Variants in MLLT10 observed in about 807,000 individuals in gnomAD.
MLLT10 encodes protein AF-10.
A neutral mutation model predicts 129.1 loss-of-function variants in MLLT10; 30 were observed. The observed-to-expected ratio is 0.23, with a 90% CI of 0.17 to 0.32. MLLT10 has a LOEUF of 0.32. Among genes scored for constraint, MLLT10 ranks in the 10% least tolerant of loss-of-function variants. The pLI is 1.00. For synonymous variants in MLLT10, 490 were observed against 446.4 expected (o/e 1.10, Z -1.23); for missense variants, 1,119 against 1,268.3 (o/e 0.88, Z 1.79).
chr10:21,645,951 T>C (rs2131306486), intron 8 of MLLT10, among the ~76,000 whole-genome samples: 1 of 152,300 alleles, frequency 6.6e-6, no homozygotes, highest in African/African-American at 2.4e-5. Context: ...ACACCTGTAA[T>C]CCCAGCACTT....
chr10:21,695,117 T>C (rs555450800), intron 13 of MLLT10, among the ~76,000 whole-genome samples: 1 of 147,682 alleles, frequency 6.8e-6, no homozygotes, highest in East Asian at 2.0e-4. Context: ...CGTCCAAGGC[T>C]GGAGTGCAGT....
At chr10:21,702,838 G>A (rs577615945) in intron 13 of MLLT10, among the ~76,000 whole-genome samples, 7 of 151,936 alleles carry the variant, frequency 4.6e-5, no homozygotes, top group African/African-American at 1.2e-4. Context: ...TGTGTTTTTT[G>A]TGGGCAATAA....
At chr10:21,641,795 G>A (rs1265861858) in intron 8 of MLLT10, among the ~76,000 whole-genome samples, 1 of 152,188 alleles carries the variant, frequency 6.6e-6, no homozygotes, top group Non-Finnish European at 1.5e-5. Context: ...CTAAGTGATG[G>A]AATACTCAAA....
intron 11 of MLLT10, among the ~76,000 whole-genome samples, chr10:21,678,025 C>T (rs1378563309): frequency 6.6e-6 from 1 of 152,144 alleles, no homozygotes; most frequent in Non-Finnish European, 1.5e-5. Flanking sequence ...TAGAAGTATG[C>T]TGTATGATTT....
At chr10:21,564,510 G>T (rs2039292278) in intron 3 of MLLT10, 1 of 150,238 alleles carries the variant, frequency 6.7e-6, no homozygotes. Context: ...TGTCATTACT[G>T]TTCAGGGAGC....
intron 13 of MLLT10, among the ~76,000 whole-genome samples, chr10:21,686,559 A>G (rs200441509): frequency 2.2e-4 from 33 of 152,338 alleles, no homozygotes; most frequent in East Asian, 9.6e-4. Flanking sequence ...GAAAACACCA[A>G]TTTCAAAAGT....
At chr10:21,586,417 G>A in intron 4 of MLLT10, 69 bp downstream of exon 4, 1 of 1,135,826 alleles carries the variant, frequency 8.8e-7, no homozygotes, top group East Asian at 2.6e-5. Flanking sequence ...TCAAATATTT[G>A]GTAGTTTATT....
At chr10:21,716,396 T>G (rs1022426086) in intron 14 of MLLT10, among the ~76,000 whole-genome samples, 6 of 152,132 alleles carry the variant, frequency 3.9e-5, no homozygotes, top group African/African-American at 1.4e-4. Context: ...TATCAATATT[T>G]AAAACGTAAT....
chr10:21,713,502 A>C (rs1424927636), intron 13 of MLLT10, among the ~76,000 whole-genome samples: 1 of 152,204 alleles, frequency 6.6e-6, no homozygotes. Flanking sequence ...AAAATCCATG[A>C]CATATTTTTT....
At chr10:21,708,706 A>C in intron 13 of MLLT10, 1 of 985,342 alleles carries the variant, frequency 1.0e-6, no homozygotes, top group Non-Finnish European at 1.2e-6. Context: ...TTTGAGATTG[A>C]AGGTCCTTAA....
At chr10:21,577,644 G>A (rs922705932) in intron 3 of MLLT10, among the ~76,000 whole-genome samples, 9 of 151,560 alleles carry the variant, frequency 5.9e-5, no homozygotes, top group African/African-American at 2.2e-4. Flanking sequence ...GCTAATTTTT[G>A]TATTTTTGTA....
At chr10:21,723,771 A>C (rs1412996216) in intron 14 of MLLT10, among the ~76,000 whole-genome samples, 1 of 152,110 alleles carries the variant, frequency 6.6e-6, no homozygotes. Flanking sequence ...TTCCATTTCT[A>C]ATCTATTAAA....
At chr10:21,731,227 T>C (rs1353823839) in intron 17 of MLLT10, among the ~76,000 whole-genome samples, 173 bp downstream of exon 17, 1 of 152,210 alleles carries the variant, frequency 6.6e-6, no homozygotes, top group Non-Finnish European at 1.5e-5. Flanking sequence ...AGAGATTCTA[T>C]AGTGTTACTG....
chr10:21,684,258 C>T (rs1329226882), intron 13 of MLLT10, among the ~76,000 whole-genome samples: 1 of 152,108 alleles, frequency 6.6e-6, no homozygotes, highest in Non-Finnish European at 1.5e-5. Flanking sequence ...ACTATTTTCT[C>T]CTTGACTCTC....
intron 9 of MLLT10, among the ~76,000 whole-genome samples, chr10:21,655,603 G>A (rs1013980785): frequency 1.4e-4 from 22 of 152,188 alleles, no homozygotes; most frequent in Non-Finnish European, 2.9e-4. Flanking sequence ...GATGACTAGA[G>A]GGCCTGTAGT....
chr10:21,545,069 TG>T (rs2035857313), intron 3 of MLLT10, among the ~76,000 whole-genome samples: 1 of 152,084 alleles, frequency 6.6e-6, no homozygotes, highest in Non-Finnish European at 1.5e-5. Flanking sequence ...TGCTTGAACC[TG>T]GGAGATGGAG....
At chr10:21,547,268 A>G (rs2130930340) in intron 3 of MLLT10, among the ~76,000 whole-genome samples, 1 of 152,178 alleles carries the variant, frequency 6.6e-6, no homozygotes, top group African/African-American at 2.4e-5. Context: ...TAACATGCAT[A>G]CTTAATGTTT....
At position 21,673,360 on chromosome 10, in the gene MLLT10, A is replaced by C; in HGVS notation, c.1062A>C (p.Ser354=). ...TTTTTTAAACTACAGGCAGTTTTTC[A>C]GGAACTCCAGGCAGTGTAAAGTCAT... ...AASPFPQGSF[S]GTPGSVKSSS... Residue 354 remains serine, a synonymous_variant, in exon 11 of 23, where the codon TCA becomes TCC. Transcript: ENST00000307729. 1 of 1,095,142 alleles carries C rather than the reference A, an allele frequency of 9.1e-7. No homozygotes were observed. The highest frequency in any genetic ancestry group is 1.1e-6 in the Non-Finnish European group (1 of 885,598). The allele number at this position is 1,095,142 out of a possible 1,614,324, so 67.8% of individuals were successfully genotyped here. A position where few individuals can be genotyped will look rare whatever the true frequency, so the allele number is the denominator to read the frequency against.
At chr10:21,658,976 T>C (rs2049894744) in intron 9 of MLLT10, among the ~76,000 whole-genome samples, 1 of 152,142 alleles carries the variant, frequency 6.6e-6, no homozygotes, top group Admixed American at 6.6e-5. Flanking sequence ...GGTATCTTTT[T>C]ATGTGCATAT....
Sources: allele counts gnomAD v4.1 joint callset (sites outside exome capture counted in the v4.1 genomes callset), GRCh38; gene constraint gnomAD v4.1.1; transcripts MANE v1.5; gene names NCBI Gene and HGNC (gene_info 2026-07-23, HGNC 2026-07-21).